IL13RA1: variants seen among roughly 807,000 people sequenced by gnomAD.
The protein encoded by IL13RA1 is interleukin 13 receptor subunit alpha 1.
Under a neutral mutation model 33.8 loss-of-function variants are expected in IL13RA1, and 14 were observed. The observed-to-expected ratio is 0.41, with a 90% confidence interval of 0.27 to 0.65. The LOEUF (loss-of-function observed/expected upper bound fraction) is 0.65, where lower values mean the gene tolerates loss of function less well. Ranked by LOEUF, IL13RA1 falls within the 30% of genes least tolerant of loss-of-function variation. The pLI, the probability that IL13RA1 is intolerant of heterozygous loss-of-function variation, is 0.28. For synonymous variants in IL13RA1, 116 were observed against 115.7 expected (o/e 1.00, Z -0.02); for missense variants, 313 against 327.0 (o/e 0.96, Z 0.33).
At chrX:118,749,357 A>G (rs967768028) in intron 3 of IL13RA1, among the ~76,000 whole-genome samples, 4 of 111,925 alleles carry the variant, frequency 3.6e-5, no homozygotes, top group African/African-American at 1.3e-4. Context: ...GATATTGTCT[A>G]TGATTGAAAT....
intron 6 of IL13RA1, among the ~76,000 whole-genome samples, chrX:118,764,908 A>G (rs1321281382): frequency 9.0e-6 from 1 of 111,595 alleles, no homozygotes; most frequent in Non-Finnish European, 1.9e-5. Flanking sequence ...TACATGAACA[A>G]AATTACACAA....
In IL13RA1 at chrX:118,750,775, A is replaced by G. The variant is rs1458124791; in HGVS notation, c.488+997A>G. Among the ~76,000 whole-genome samples the G allele has an allele frequency of 5.4e-5, 6 of 110,816 alleles. No individual in the cohort carries two copies. In the East Asian group the frequency reaches 1.4e-3, roughly 26 times the overall value. Reference sequence around the variant, plus strand: ...ATTGATGTCTACTTTTAAAAAGGAAAATGATATGTCCGGGGTCAAAAAGTT... The same window carrying G: ...ATTGATGTCTACTTTTAAAAAGGAAGATGATATGTCCGGGGTCAAAAAGTT... On this transcript the variant is annotated intron_variant, in intron 4 of 10. Coordinates refer to ENST00000371666, the MANE Select transcript of IL13RA1 (RefSeq NM_001560.3).
chrX:118,766,897 C>A lies in IL13RA1; in HGVS notation c.930C>A (p.Val310=). The change falls in exon 8 of 11, where the codon GTC becomes GTA. Residue 310 remains valine (V), a synonymous_variant. Coordinates refer to ENST00000371666, the MANE Select transcript of IL13RA1 (RefSeq NM_001560.3). The part of the protein sequence containing the change: ...PGVLPDTLNT[V]RIRVKTNKLC... ...TTCTTCCTGATACTTTGAACACAGT[C>A]AGAATAAGAGTCAAAACAAATAAGT... is the stretch of plus-strand genomic sequence containing the variant. 9.3e-7 allele frequency: 1 copy of A among 1,078,409 alleles called. No homozygotes were observed. Among genetic ancestry groups the A allele is most frequent in the Non-Finnish European group, 1.3e-6 (1 of 778,007 alleles). The allele number at this position is 1,078,409 out of a possible 1,213,427, so 88.9% of individuals were successfully genotyped here.
rs779252159 is a variant in IL13RA1 at position 118,770,529 on chromosome X, C to G, written c.1010-3350C>G. ...ACAACAACGGCTTCATCAACCAGGA[C>G]TTCGTGGTGTGGATGCGCATGGCAG... is the stretch of plus-strand genomic sequence containing the variant. On this transcript the variant is annotated intron_variant, in intron 8 of 10. Transcript: ENST00000371666. 6 of 534,081 alleles carry G rather than the reference C, an allele frequency of 1.1e-5. No individual in the cohort carries two copies. The Admixed American group carries it at 1.4e-4, about 13-fold the overall frequency. 44.0% of individuals were successfully genotyped at this position (534,081 alleles called of 1,213,427 possible). A position where few individuals can be genotyped will look rare whatever the true frequency, so the allele number is the denominator to read the frequency against.
intron 10 of IL13RA1, among the ~76,000 whole-genome samples, chrX:118,782,825 C>T (rs768143695): frequency 5.6e-5 from 6 of 107,757 alleles, no homozygotes; most frequent in Non-Finnish European, 9.6e-5. Context: ...TAGTCTCAAA[C>T]TCCTGGGCTC....
At chrX:118,734,395 G>T (rs1230741108) in intron 1 of IL13RA1, among the ~76,000 whole-genome samples, 1 of 111,655 alleles carries the variant, frequency 9.0e-6, no homozygotes, top group African/African-American at 3.3e-5. Flanking sequence ...GGGCATCTTT[G>T]TTTCATTCCT....
chrX:118,733,609 G>A (rs781488485), intron 1 of IL13RA1, among the ~76,000 whole-genome samples: 2 of 111,274 alleles, frequency 1.8e-5, no homozygotes, highest in East Asian at 2.8e-4. Flanking sequence ...TGATGCACAC[G>A]TTTTAATTTT....
chrX:118,735,651 G>A (rs920632653), intron 1 of IL13RA1, among the ~76,000 whole-genome samples: 2 of 111,670 alleles, frequency 1.8e-5, no homozygotes, highest in African/African-American at 3.2e-5. Flanking sequence ...AGGTTCAAGC[G>A]ATGCTCCTGC....
chrX:118,756,411 A>C (rs2017530850), intron 4 of IL13RA1, among the ~76,000 whole-genome samples: 1 of 111,629 alleles, frequency 9.0e-6, no homozygotes, highest in South Asian at 3.7e-4. Context: ...GTCGAGGAGA[A>C]ATGGGAAATA....
intron 1 of IL13RA1, among the ~76,000 whole-genome samples, chrX:118,736,303 T>C (rs745834872): frequency 4.5e-5 from 5 of 111,475 alleles, no homozygotes; most frequent in Non-Finnish European, 9.4e-5. Context: ...TAACTTTTTT[T>C]CTTTGGGCCA....
At chrX:118,727,792 A>C in intron 1 of IL13RA1, 66 bp downstream of exon 1, 2 of 507,016 alleles carry the variant, frequency 3.9e-6, no homozygotes, top group Non-Finnish European at 5.3e-6. Flanking sequence ...TCACGGCTGA[A>C]AGGCCCCGGA....
intron 6 of IL13RA1, among the ~76,000 whole-genome samples, chrX:118,763,218 C>T (rs749489015): frequency 8.9e-6 from 1 of 112,612 alleles, no homozygotes; most frequent in Non-Finnish European, 1.9e-5. Context: ...ATATAGACTT[C>T]TGTAGGAAGG....
downstream of IL13RA1, among the ~76,000 whole-genome samples, chrX:118,799,039 C>T (rs1476258012): frequency 8.9e-6 from 1 of 112,267 alleles, no homozygotes; most frequent in African/African-American, 3.2e-5. Flanking sequence ...TTGGCGGGGC[C>T]CGCACTCGGA....
At chrX:118,752,502 C>T (rs1222977024) in intron 4 of IL13RA1, among the ~76,000 whole-genome samples, 1 of 112,203 alleles carries the variant, frequency 8.9e-6, no homozygotes, top group African/African-American at 3.2e-5. Flanking sequence ...ACCATTTCCT[C>T]TCCAGAAAGC....
chrX:118,762,237 G>C (rs1454245516), intron 6 of IL13RA1, among the ~76,000 whole-genome samples: 2 of 112,465 alleles, frequency 1.8e-5, no homozygotes, highest in African/African-American at 3.2e-5. Context: ...ACAAAGTCGT[G>C]TTTTGTTTGT....
At chrX:118,755,062 C>T (rs762393856) in intron 4 of IL13RA1, among the ~76,000 whole-genome samples, 1 of 106,408 alleles carries the variant, frequency 9.4e-6, no homozygotes, top group Admixed American at 1.0e-4. Context: ...GATTCTCCAG[C>T]CTCAACCTCC....
intron 9 of IL13RA1, among the ~76,000 whole-genome samples, chrX:118,775,551 G>A (rs950851472): frequency 2.7e-5 from 3 of 111,556 alleles, no homozygotes; most frequent in African/African-American, 9.8e-5. Context: ...CTATACTAGG[G>A]GGTTAGCAAT....
At chrX:118,756,760 C>G (rs2017534648) in intron 4 of IL13RA1, among the ~76,000 whole-genome samples, 4 of 111,538 alleles carry the variant, frequency 3.6e-5, no homozygotes, top group African/African-American at 1.3e-4. Context: ...AAAATGAGCT[C>G]TGGCTGATAA....
At chrX:118,779,614 T>TTGCCTATAGTGAGCA (rs2017821129) in intron 10 of IL13RA1, among the ~76,000 whole-genome samples, 1 of 111,766 alleles carries the variant, frequency 8.9e-6, no homozygotes, top group African/African-American at 3.2e-5. Flanking sequence ...AATTTCCAGA[T>TTGCCTATAGTGAGCA]TGCCTATAGT....
Sources: gnomAD v4.1 joint callset for allele counts (sites outside exome capture counted in the v4.1 genomes callset) on GRCh38, gnomAD v4.1.1 for gene constraint, MANE v1.5 for transcripts, NCBI Gene and HGNC (gene_info 2026-07-23, HGNC 2026-07-21) for gene names.